The following BSND variants were observed in gnomAD, a reference collection of about 807,000 sequenced individuals.
The protein encoded by BSND is barttin CLCNK type accessory subunit beta, also known as barttin.
Under a neutral mutation model 18.8 loss-of-function variants are expected in BSND, and 13 were observed. That is an observed-to-expected ratio of 0.69 (90% CI 0.45 to 1.10). BSND has a LOEUF of 1.10. Among genes scored for constraint, BSND ranks in the 50% least tolerant of loss-of-function variants. The probability of loss-of-function intolerance (pLI) is 0.00; values close to 1 mark genes in which losing one functional copy is unlikely to be tolerated. For synonymous variants in BSND, 170 were observed against 161.8 expected (o/e 1.05, Z -0.39); for missense variants, 379 against 416.7 (o/e 0.91, Z 0.79).
In BSND at chr1:55,006,963, CTT is replaced by C. The variant is rs763852230; in HGVS notation, c.273-32_273-31del. The C allele has an allele frequency of 1.5e-5, 25 of 1,613,154 alleles. No homozygotes were observed. In the Admixed American group the frequency reaches 3.5e-4, roughly 23 times the overall value. On this transcript the variant is annotated intron_variant, in intron 2 of 3. Coordinates refer to ENST00000651561, the MANE Select transcript of BSND (RefSeq NM_057176.3). ...GAACACTGGTGTTTGCTGAGTGACT[CTT>C]TGCCGCCTGCCTGTTCTCTCTCCCA...
chr1:55,005,402 T>G (rs1644384295), intron 2 of BSND, among the ~76,000 whole-genome samples: 1 of 152,188 alleles, frequency 6.6e-6, no homozygotes, highest in African/African-American at 2.4e-5. Context: ...ATGAAATAAA[T>G]GTACTGTGAG....
In BSND at chr1:55,013,044, G is replaced by A. The variant is rs908339870; in HGVS notation, c.*4416G>A. 2.1e-5 allele frequency among the ~76,000 whole-genome samples: 3 copies of A among 144,980 alleles called. No individual in the cohort carries two copies. The highest frequency in any genetic ancestry group is 8.2e-5 in the African/African-American group (3 of 36,666). On this transcript the variant is annotated 3_prime_UTR_variant, in exon 4 of 4. Coordinates refer to ENST00000651561, the MANE Select transcript of BSND (RefSeq NM_057176.3). Reference sequence around the variant, plus strand: ...TCCTCTGAGCCTGTGCTCTTCCCACGATGCCACCTGGTCCACGTCATAAGA... The same window carrying A: ...TCCTCTGAGCCTGTGCTCTTCCCACAATGCCACCTGGTCCACGTCATAAGA...
chr1:55,000,551 T>C (rs1644356526), intron 1 of BSND, among the ~76,000 whole-genome samples: 1 of 152,236 alleles, frequency 6.6e-6, no homozygotes, highest in Middle Eastern at 3.4e-3. Flanking sequence ...CCACACCTCC[T>C]CTCCTCCCAC....
chr1:55,008,073 A>G (rs1435330639), intron 3 of BSND, 141 bp from the exon 4 acceptor site: 1 of 700,462 alleles, frequency 1.4e-6, no homozygotes, highest in Non-Finnish European at 2.5e-6. Flanking sequence ...GAACTGCAGG[A>G]GTGAATTCTG....
chr1:55,007,663 C>G (rs1644398835), intron 3 of BSND, among the ~76,000 whole-genome samples: 1 of 152,108 alleles, frequency 6.6e-6, no homozygotes, highest in South Asian at 2.1e-4. Flanking sequence ...GCCAGAGGAC[C>G]CGAGTTCAAA....
chr1:55,005,141 G>C (rs779246928), intron 2 of BSND, 25 bp downstream of exon 2: 6 of 1,610,638 alleles, frequency 3.7e-6, no homozygotes, highest in South Asian at 3.3e-5. Flanking sequence ...CTCTCGGGAG[G>C]GGAGGAGTAA....
At position 55,008,502 on chromosome 1, in the gene BSND, G is replaced by C. The variant is rs1183531671; in HGVS notation, c.837G>C (p.Glu279Asp). Reference protein sequence around the residue: ...RYPRTKVEEKEASDTGGEEPE... With the variant: ...RYPRTKVEEKDASDTGGEEPE... Reference sequence around the variant, plus strand: ...CAAGGACAAAGGTGGAGGAGAAGGAGGCTTCGGACACAGGTGGGGAGGAAC... The same window carrying C: ...CAAGGACAAAGGTGGAGGAGAAGGACGCTTCGGACACAGGTGGGGAGGAAC... Residue 279 changes from glutamate (E) to aspartate (D), a missense_variant, in exon 4 of 4, where the codon GAG (glutamate) becomes GAC (aspartate). Transcript: ENST00000651561. The C allele has an allele frequency of 6.2e-7, 1 of 1,614,112 alleles. No homozygotes were observed. The highest frequency in any genetic ancestry group is 8.5e-7 in the Non-Finnish European group (1 of 1,180,046).
In BSND at chr1:55,011,654, A is replaced by T. The variant is rs2495510; in HGVS notation, c.*3026A>T. On this transcript the variant is annotated 3_prime_UTR_variant, in exon 4 of 4. Transcript: ENST00000651561. ...TGTTACTGGATTTGGGCCAGTGCTC[A>T]GTGGCTTGGCGAGGGTTTAAGAAGC... The T allele has an allele frequency of 6.6e-6, 1 of 152,084 alleles. No homozygotes were observed. The highest frequency in any genetic ancestry group is 1.5e-5 in the Non-Finnish European group (1 of 68,034). 9.4% of individuals were successfully genotyped at this position (152,084 alleles called of 1,614,324 possible).
intron 1 of BSND, among the ~76,000 whole-genome samples, chr1:55,000,489 C>T (rs1479070540): frequency 6.6e-6 from 1 of 152,064 alleles, no homozygotes; most frequent in Non-Finnish European, 1.5e-5. Context: ...ATCTGGGGGC[C>T]CTGCTGGACC....
chr1:55,000,857 C>T (rs1644358020), intron 1 of BSND, among the ~76,000 whole-genome samples: 1 of 152,096 alleles, frequency 6.6e-6, no homozygotes, highest in Admixed American at 6.5e-5. Flanking sequence ...CCCTGGGGGA[C>T]AGCAGAGGGA....
intron 1 of BSND, among the ~76,000 whole-genome samples, chr1:55,001,664 C>T (rs369510663): frequency 6.6e-5 from 10 of 152,126 alleles, no homozygotes; most frequent in African/African-American, 2.4e-4. Context: ...CCAATACCAA[C>T]ATGCATTAAG....
rs1306123979 is a variant in BSND, at chr1:55,015,454, C to G, written c.*6826C>G. Reference sequence around the variant, plus strand: ...AGGGCAAATGAGGGCCCCAGTGACTCAGGAAGTCCCCAGGTCAGAAAATGG... The same window carrying G: ...AGGGCAAATGAGGGCCCCAGTGACTGAGGAAGTCCCCAGGTCAGAAAATGG... On this transcript the variant is annotated 3_prime_UTR_variant, in exon 4 of 4. Coordinates refer to ENST00000651561, the MANE Select transcript of BSND (RefSeq NM_057176.3). Among the ~76,000 whole-genome samples, 1 of 152,148 alleles carries G rather than the reference C, an allele frequency of 6.6e-6. No individual in the cohort carries two copies. Among genetic ancestry groups the G allele is most frequent in the African/African-American group, 2.4e-5 (1 of 41,438 alleles).
rs1644444441 is a variant in BSND at position 55,015,310 on chromosome 1, T to C, written c.*6682T>C. On this transcript the variant is annotated 3_prime_UTR_variant, in exon 4 of 4. Coordinates refer to ENST00000651561, the MANE Select transcript of BSND (RefSeq NM_057176.3). ...CAGAGCCGGTGTCCTGGATTCCTCC[T>C]TGCTGACCACAAATCCAGCAGAGCA... 6.6e-6 allele frequency among the ~76,000 whole-genome samples: 1 copy of C among 152,204 alleles called. No homozygotes were observed. Among genetic ancestry groups the C allele is most frequent in the African/African-American group, 2.4e-5 (1 of 41,450 alleles).
intron 2 of BSND, 63 bp from the exon 3 acceptor site, chr1:55,006,934 G>A (rs1644394211): frequency 6.2e-7 from 1 of 1,610,406 alleles, no homozygotes; most frequent in East Asian, 2.2e-5. Context: ...AACAGGGCCG[G>A]GGAGAACACT....
rs1251097900 is a variant in BSND, at chr1:54,999,097, C to T, written c.-90C>T. 3.3e-6 allele frequency: 5 copies of T among 1,511,884 alleles called. No individual in the cohort carries two copies. Among genetic ancestry groups the T allele is most frequent in the African/African-American group, 2.7e-5 (2 of 72,848 alleles). The allele number at this position is 1,511,884 out of a possible 1,614,324, so 93.7% of individuals were successfully genotyped here. A position where few individuals can be genotyped will look rare whatever the true frequency, so the allele number is the denominator to read the frequency against. ...AGTTGCAGCGATTTCAGTGTCTTCT[C>T]TCCCTGTGTAAGCCTGTCTCGGTGT... On this transcript the variant is annotated 5_prime_UTR_variant, in exon 1 of 4. Coordinates refer to ENST00000651561, the MANE Select transcript of BSND (RefSeq NM_057176.3).
rs1226393442 is a variant in BSND, at chr1:55,016,765, TCAGA to T, written c.*8140_*8143del. ...CTGATAATTTACCCTAAGGAAGAAA[TCAGA>T]CAACTGTGCTAGACTATACTTACAG... On this transcript the variant is annotated 3_prime_UTR_variant, in exon 4 of 4. Transcript: ENST00000651561. Among the ~76,000 whole-genome samples the T allele has an allele frequency of 6.6e-6, 1 of 152,158 alleles. No individual in the cohort carries two copies. The highest frequency in any genetic ancestry group is 1.5e-5 in the Non-Finnish European group (1 of 68,044).
In BSND at chr1:54,999,318, G is replaced by T; in HGVS notation, c.132G>T (p.Met44Ile). 2 of 1,613,372 alleles carry T rather than the reference G, an allele frequency of 1.2e-6. No homozygotes were observed. The highest frequency in any genetic ancestry group is 1.7e-6 in the Non-Finnish European group (2 of 1,179,426). The change falls in exon 1 of 4, where the codon ATG becomes ATT. Residue 44 changes from methionine to isoleucine, a missense_variant. Met to Ile is a conservative substitution (Grantham distance 10). Transcript: ENST00000651561. Reference protein sequence around the residue: ...YGTFYAMGSVMVIGGIIWSMC... With the variant: ...YGTFYAMGSVIVIGGIIWSMC... ...CCTTCTATGCCATGGGCAGCGTCAT[G>T]GTGATCGGGGGCATCATCTGGAGCA...
chr1:55,009,642 C>G lies in BSND; in HGVS notation c.*1014C>G. 6.6e-6 allele frequency: 1 copy of G among 152,208 alleles called. No homozygotes were observed. The highest frequency in any genetic ancestry group is 6.5e-5 in the Admixed American group (1 of 15,282). 9.4% of individuals were successfully genotyped at this position (152,208 alleles called of 1,614,324 possible). ...GGCCTGTATGTATTCACAAAGCAGG[C>G]AAAAAGCCCCCAGAGGAACACCACC... On this transcript the variant is annotated 3_prime_UTR_variant, in exon 4 of 4. Coordinates refer to ENST00000651561, the MANE Select transcript of BSND (RefSeq NM_057176.3).
Position 55,012,232 on chromosome 1 carries a change from G to A in BSND, c.*3604G>A, listed in dbSNP as rs1473505646. ...TCTATTCTCTGTAAAATTGGGTGAG[G>A]GTGGGCAAGATTCCACTTCTGCTCC... On this transcript the variant is annotated 3_prime_UTR_variant, in exon 4 of 4. Transcript: ENST00000651561. 6.6e-6 allele frequency among the ~76,000 whole-genome samples: 1 copy of A among 152,162 alleles called. No homozygotes were observed. The highest frequency in any genetic ancestry group is 2.4e-5 in the African/African-American group (1 of 41,428).
Sources: allele counts gnomAD v4.1 joint callset (sites outside exome capture counted in the v4.1 genomes callset), GRCh38; gene constraint gnomAD v4.1.1; transcripts MANE v1.5; gene names NCBI Gene and HGNC (gene_info 2026-07-23, HGNC 2026-07-21).